SLCO2A1: variants seen among roughly 807,000 people sequenced by gnomAD.
SLCO2A1 encodes the protein matrin F/G 1.
A neutral mutation model predicts 71.7 loss-of-function variants in SLCO2A1; 60 were observed. The ratio of observed to expected loss-of-function variants is 0.84; its 90% CI spans 0.68 to 1.04. The LOEUF is 1.04. SLCO2A1 is among the 50% of genes least tolerant of loss of function. The pLI is 0.00. For synonymous variants in SLCO2A1, 308 were observed against 326.7 expected, an observed-to-expected ratio of 0.94 and a Z score of 0.62; for missense variants, 745 against 813.4, an observed-to-expected ratio of 0.92 and a Z score of 1.02.
intron 1 of SLCO2A1, among the ~76,000 whole-genome samples, chr3:133,980,501 A>G (rs3924290): frequency 0.83 from 126,177 of 152,216 alleles, 52,761 homozygotes; most frequent in Non-Finnish European, 0.88. Context: ...TGTTGCGCTG[A>G]CACCGAACAG....
intron 12 of SLCO2A1, 139 bp from the exon 13 acceptor site, chr3:133,936,036 T>C (rs1232035933): frequency 2.2e-5 from 19 of 877,520 alleles, no homozygotes; most frequent in Non-Finnish European, 3.0e-5. Flanking sequence ...ACAGTGACTC[T>C]GGAAAGCAGA....
chr3:133,972,174 G>A (rs1049246757), intron 3 of SLCO2A1, among the ~76,000 whole-genome samples: 16 of 152,166 alleles, frequency 1.1e-4, no homozygotes, highest in African/African-American at 3.9e-4. Flanking sequence ...GTGTCACAGA[G>A]CAGAGAGATT....
At chr3:133,997,197 C>T (rs1934985535) in intron 1 of SLCO2A1, among the ~76,000 whole-genome samples, 1 of 152,192 alleles carries the variant, frequency 6.6e-6, no homozygotes, top group Non-Finnish European at 1.5e-5. Context: ...AAGCAGCCCC[C>T]AGCACTCTTT....
chr3:133,943,393 T>G (rs984726253), intron 10 of SLCO2A1, among the ~76,000 whole-genome samples: 1 of 152,168 alleles, frequency 6.6e-6, no homozygotes, highest in African/African-American at 2.4e-5. Context: ...TCGCTGCCCT[T>G]GTCAGATGGC....
chr3:133,967,465 A>G lies in SLCO2A1; in HGVS notation c.397+6198T>C, dbSNP rs759275609. On this transcript the variant is annotated intron_variant, in intron 3 of 13. Coordinates refer to ENST00000310926, the MANE Select transcript of SLCO2A1 (RefSeq NM_005630.3). ...TCCCGGGCCTTCTCTACCGCAGTCT[A>G]GTGTTTTCTATCATTTCTCCATGTT... 6.6e-5 allele frequency among the ~76,000 whole-genome samples: 10 copies of G among 152,248 alleles called. No homozygotes were observed. The Middle Eastern group carries it at 0.01, about 155-fold the overall frequency.
chr3:133,979,236 T>C (rs138377744), intron 2 of SLCO2A1, among the ~76,000 whole-genome samples: 62 of 152,368 alleles, frequency 4.1e-4, no homozygotes, highest in African/African-American at 1.4e-3. Context: ...AAGGCTGCCA[T>C]GAAGAGGCCC....
chr3:133,942,597 C>CAACT lies in SLCO2A1; in HGVS notation c.1625+7_1625+8insAGTT, dbSNP rs1183883958. 1.2e-6 allele frequency: 2 copies of CAACT among 1,600,866 alleles called. No homozygotes were observed. The highest frequency in any genetic ancestry group is 1.7e-6 in the Non-Finnish European group (2 of 1,172,884). ...CACGCCCCAGACTCACAGAGGTTTG[C>CAACT]CACTCACCGCAGAACCATCATGTAG... On this transcript the variant is annotated splice_region_variant and intron_variant, in intron 11 of 13. Transcript: ENST00000310926.
At chr3:134,001,523 T>C (rs991400457) in intron 1 of SLCO2A1, among the ~76,000 whole-genome samples, 1 of 152,194 alleles carries the variant, frequency 6.6e-6, no homozygotes, top group Non-Finnish European at 1.5e-5. Flanking sequence ...TCTTTGACTT[T>C]TCCCTGTGTC....
intron 1 of SLCO2A1, among the ~76,000 whole-genome samples, chr3:134,012,691 C>T (rs1935366796): frequency 6.6e-6 from 1 of 152,154 alleles, no homozygotes; most frequent in South Asian, 2.1e-4. Context: ...TACATAGAAA[C>T]CAGAGAGGGA....
intron 3 of SLCO2A1, among the ~76,000 whole-genome samples, chr3:133,957,489 C>T (rs1933925620): frequency 6.6e-6 from 1 of 152,166 alleles, no homozygotes; most frequent in Non-Finnish European, 1.5e-5. Flanking sequence ...GGATCCGAAC[C>T]TGCATGTGTC....
rs763452273 is a variant in SLCO2A1, at chr3:133,951,244, A to T, written c.825T>A (p.Phe275Leu). 1.2e-6 allele frequency: 2 copies of T among 1,614,166 alleles called. No individual in the cohort carries two copies. Among genetic ancestry groups the T allele is most frequent in the Non-Finnish European group, 1.7e-6 (2 of 1,180,026 alleles). Reference sequence around the variant, plus strand: ...TGGGCATTGCTCGAGGGAAGAAAAAAAAGGGGAAAGAGGTGAGAACCAATA... The same window carrying T: ...TGGGCATTGCTCGAGGGAAGAAAAATAAGGGGAAAGAGGTGAGAACCAATA... ...SALLVLTSFPFFFFPRAMPIG... is the reference protein window; with the variant it reads ...SALLVLTSFPLFFFPRAMPIG... Residue 275 changes from phenylalanine to leucine, a missense_variant, in exon 6 of 14, where the codon TTT becomes TTA. Physicochemically the swap from Phe to Leu is conservative, Grantham distance 22. Transcript: ENST00000310926.
At position 133,973,720 on chromosome 3, in the gene SLCO2A1, T is replaced by G; in HGVS notation, c.340A>C (p.Ile114Leu). 1 of 1,613,988 alleles carries G rather than the reference T, an allele frequency of 6.2e-7. No homozygotes were observed. Residue 114 changes from isoleucine to leucine, a missense_variant, in exon 3 of 14, where the codon ATC becomes CTC. Ile to Leu is a conservative substitution (Grantham distance 5, BLOSUM62 2). Coordinates refer to ENST00000310926, the MANE Select transcript of SLCO2A1 (RefSeq NM_005630.3). Reference sequence around the variant, plus strand: ...GAGAGGAAGTGTGGGAGGGTGAGGATGAAGGCACCTGCAGCCAGGAAGAGA... The same window carrying G: ...GAGAGGAAGTGTGGGAGGGTGAGGAGGAAGGCACCTGCAGCCAGGAAGAGA... ...GGLFLAAGAF[I>L]LTLPHFLSEP...
At chr3:133,954,382 G>C (rs750046101) in intron 4 of SLCO2A1, among the ~76,000 whole-genome samples, 2 of 151,922 alleles carry the variant, frequency 1.3e-5, no homozygotes, top group Non-Finnish European at 2.9e-5. Context: ...GGCTGGTCTC[G>C]AACTCCCGGC....
chr3:133,935,221 G>A (rs934174497), intron 13 of SLCO2A1, among the ~76,000 whole-genome samples: 2 of 152,140 alleles, frequency 1.3e-5, no homozygotes, highest in Non-Finnish European at 2.9e-5. Flanking sequence ...ACCATTTCCA[G>A]CCCCTGCCCA....
chr3:133,979,526 A>G lies in SLCO2A1; in HGVS notation c.189T>C (p.Phe63=). The G allele has an allele frequency of 1.2e-6, 2 of 1,614,172 alleles. No individual in the cohort carries two copies. The highest frequency in any genetic ancestry group is 2.2e-5 in the South Asian group (2 of 91,078). The part of the protein sequence containing the change: ...KSSLTTIEKR[F]GLSSSSSGLI... ...GACCCGATGAAGAACTGGAGAGCCC[A>G]AAGCGCTTCTCAATGGTGGTGAGGC... Residue 63 remains phenylalanine (F), a synonymous_variant, in exon 2 of 14, where the codon TTT becomes TTC. Transcript: ENST00000310926.
intron 1 of SLCO2A1, among the ~76,000 whole-genome samples, chr3:134,006,764 A>T (rs574286855): frequency 6.6e-6 from 1 of 152,328 alleles, no homozygotes; most frequent in South Asian, 2.1e-4. Context: ...GGCTATCGTG[A>T]ATGGTGCTGC....
intron 1 of SLCO2A1, among the ~76,000 whole-genome samples, chr3:134,022,609 G>C (rs1327586627): frequency 6.6e-6 from 1 of 151,900 alleles, no homozygotes; most frequent in Non-Finnish European, 1.5e-5. Flanking sequence ...AATTATAAAA[G>C]GTTAAAAAGA....
intron 3 of SLCO2A1, among the ~76,000 whole-genome samples, chr3:133,957,029 T>A (rs963423481): frequency 6.6e-6 from 1 of 152,250 alleles, no homozygotes. Flanking sequence ...AATAAATATA[T>A]CCAAAGCTTA....
intron 3 of SLCO2A1, among the ~76,000 whole-genome samples, chr3:133,965,739 C>T (rs1934149787): frequency 6.7e-6 from 1 of 149,840 alleles, no homozygotes; most frequent in Non-Finnish European, 1.5e-5. Context: ...GTCTTCTTCT[C>T]AGGGAGACCA....
Sources: allele counts gnomAD v4.1 joint callset (sites outside exome capture counted in the v4.1 genomes callset), GRCh38; gene constraint gnomAD v4.1.1; transcripts MANE v1.5; gene names NCBI Gene and HGNC (gene_info 2026-07-23, HGNC 2026-07-21).